OLFM1: variants seen among roughly 807,000 people sequenced by gnomAD.
The protein encoded by OLFM1 is noelin.
Under a neutral mutation model 49.7 loss-of-function variants are expected in OLFM1, and 9 were observed. The ratio of observed to expected loss-of-function variants is 0.18; its 90% confidence interval spans 0.11 to 0.32. The LOEUF is 0.32. Ranked by LOEUF, OLFM1 falls within the 10% of genes least tolerant of loss-of-function variation. The pLI is 1.00. For synonymous variants in OLFM1, 240 were observed against 271.8 expected (o/e 0.88, Z 1.15); for missense variants, 369 against 661.8 (o/e 0.56, Z 4.85).
At chr9:135,087,349 C>T (rs1052804449), upstream of OLFM1, 67 of 1,543,422 alleles carry the variant, frequency 4.3e-5, 1 homozygote, top group Admixed American at 8.3e-4. Context: ...CTGCGGGGAT[C>T]GGAGAGGGAT....
intron 1 of OLFM1, among the ~76,000 whole-genome samples, chr9:135,077,991 G>C (rs1371464032): frequency 6.6e-6 from 1 of 152,240 alleles, no homozygotes; most frequent in East Asian, 1.9e-4. Context: ...TATGCCAGGT[G>C]ACTTTCATCT....
chr9:135,075,551 C>T (rs1029218762), exon 1 of OLFM1: 3 of 358,370 alleles, frequency 8.4e-6, no homozygotes, highest in South Asian at 4.4e-5. Context: ...GCGGAGGCTT[C>T]GCGCAGCAGA....
chr9:135,089,121 G>A (rs1048960200), intron 1 of OLFM1, among the ~76,000 whole-genome samples: 1 of 152,174 alleles, frequency 6.6e-6, no homozygotes, highest in African/African-American at 2.4e-5. Context: ...CCGTGGTGTG[G>A]CTCCCTCCTA....
rs1005262402 is a variant in OLFM1 at position 135,080,027 on chromosome 9, C to T, written c.96+4225C>T. Among the ~76,000 whole-genome samples, 8 of 151,948 alleles carry T rather than the reference C, an allele frequency of 5.3e-5. No individual in the cohort carries two copies. Among genetic ancestry groups the T allele is most frequent in the Admixed American group, 1.3e-4 (2 of 15,256 alleles). ...TGTGGGTTGGTGTGAACAGGGCAGACGAGAAGACCAGGGAGGTGATGCTGA... is the reference window on the plus strand; with the variant it reads ...TGTGGGTTGGTGTGAACAGGGCAGATGAGAAGACCAGGGAGGTGATGCTGA... On this transcript the variant is annotated intron_variant, in intron 1 of 5. Coordinates refer to the OLFM1 transcript ENST00000252854. This position sits in a 1 kb window ranked among gnomAD's most constrained non-coding sequence, Gnocchi z 4.5.
intron 2 of OLFM1, among the ~76,000 whole-genome samples, chr9:135,091,914 T>C (rs112203755): frequency 2.3e-3 from 187 of 82,262 alleles, no homozygotes; most frequent in Admixed American, 3.8e-3. Context: ...CACACACACA[T>C]AGTCACACAC....
At chr9:135,110,334 G>A (rs1831004769) in intron 5 of OLFM1, among the ~76,000 whole-genome samples, 1 of 152,078 alleles carries the variant, frequency 6.6e-6, no homozygotes, top group African/African-American at 2.4e-5. Context: ...AAAGTCTCAG[G>A]TCAGCTCACA....
At chr9:135,104,129 G>A (rs1830906617) in intron 4 of OLFM1, among the ~76,000 whole-genome samples, 1 of 152,314 alleles carries the variant, frequency 6.6e-6, no homozygotes, top group Middle Eastern at 3.4e-3. Flanking sequence ...TGTACGGTGG[G>A]AAGCTGGCTC....
rs1012987241 is a variant in OLFM1, at chr9:135,113,614, C to T, written c.784-5890C>T. Among the ~76,000 whole-genome samples, 8 of 152,154 alleles carry T rather than the reference C, an allele frequency of 5.3e-5. No homozygotes were observed. Among genetic ancestry groups the T allele is most frequent in the Non-Finnish European group, 1.5e-5 (1 of 68,002 alleles). On this transcript the variant is annotated intron_variant, in intron 5 of 5. Coordinates refer to ENST00000371793, the MANE Select transcript of OLFM1 (RefSeq NM_001282611.2). The surrounding 1 kb of genome is among the most constrained non-coding windows in gnomAD (Gnocchi z 4.0). The stretch of plus-strand genomic sequence containing the variant: ...TGCCGCATTAACAGGAGTCCAGCCA[C>T]GTGGACACCCCTCACTCTGTGGGAT...
At chr9:135,089,172 C>T (rs1035072635) in intron 1 of OLFM1, among the ~76,000 whole-genome samples, 1 of 152,224 alleles carries the variant, frequency 6.6e-6, no homozygotes, top group Non-Finnish European at 1.5e-5. Flanking sequence ...CTTCAGGAAT[C>T]GGAGGGCGAT....
rs1323751703 is a variant in OLFM1 at position 135,091,590 on chromosome 9, G to C, written c.300+1246G>C. Among the ~76,000 whole-genome samples, 6 of 79,284 alleles carry C rather than the reference G, an allele frequency of 7.6e-5. No individual in the cohort carries two copies. The East Asian group carries it at 1.1e-3, about 14-fold the overall frequency. 52.0% of individuals were successfully genotyped at this position (79,284 alleles called of 152,430 possible). On this transcript the variant is annotated intron_variant, in intron 2 of 5. Coordinates refer to ENST00000371793, the MANE Select transcript of OLFM1 (RefSeq NM_001282611.2). ...ACACACACACAGTCACACACTCACA[G>C]TCACACACTCACACATAGTCACACA...
At chr9:135,091,150 A>G (rs549960615) in intron 2 of OLFM1, among the ~76,000 whole-genome samples, 2 of 152,196 alleles carry the variant, frequency 1.3e-5, no homozygotes, top group Non-Finnish European at 2.9e-5. Context: ...CACCTGGTTC[A>G]GTCTCCTCCA....
chr9:135,077,960 C>G lies in OLFM1; in HGVS notation c.96+2158C>G, dbSNP rs538185399. Among the ~76,000 whole-genome samples the G allele has an allele frequency of 9.3e-4, 141 of 152,356 alleles. 1 individual carries two copies. The highest frequency in any genetic ancestry group is 6.0e-3 in the South Asian group (29 of 4,826). ...AGAGCCTGGCTACCCTAGTCCCCACCTGGGTGGGCCCCACTGGGGTTATGC... is the reference window on the plus strand; with the variant it reads ...AGAGCCTGGCTACCCTAGTCCCCACGTGGGTGGGCCCCACTGGGGTTATGC... On this transcript the variant is annotated intron_variant, in intron 1 of 5. Coordinates refer to the OLFM1 transcript ENST00000252854.
At position 135,090,164 on chromosome 9, in the gene OLFM1, C is replaced by T. The variant is rs1197062073; in HGVS notation, c.151-31C>T. 6 of 1,583,756 alleles carry T rather than the reference C, an allele frequency of 3.8e-6. No homozygotes were observed. The South Asian group carries it at 6.8e-5, about 18-fold the overall frequency. On this transcript the variant is annotated intron_variant, in intron 1 of 5. Transcript: ENST00000371793. The stretch of plus-strand genomic sequence containing the variant: ...CCTCATGGTCTCCCTTTCTCTCCTT[C>T]CCTCTCCCTTCCCGCCCCGCCCCTC...
intron 1 of OLFM1, among the ~76,000 whole-genome samples, chr9:135,079,602 C>G (rs1001091157): frequency 1.3e-5 from 2 of 151,744 alleles, no homozygotes; most frequent in Admixed American, 6.6e-5. Flanking sequence ...GAGATTCTGT[C>G]TCAAAAAAAA....
chr9:135,113,325 C>T lies in OLFM1; in HGVS notation c.784-6179C>T, dbSNP rs1292166476. 1.3e-5 allele frequency among the ~76,000 whole-genome samples: 2 copies of T among 152,124 alleles called. No homozygotes were observed. Among genetic ancestry groups the T allele is most frequent in the Non-Finnish European group, 2.9e-5 (2 of 68,020 alleles). Reference sequence around the variant, plus strand: ...CACGTCCCCACAGGTGGTCTTATGGCCTTCTTCCTTTGGGTGGTGCCTGGG... The same window carrying T: ...CACGTCCCCACAGGTGGTCTTATGGTCTTCTTCCTTTGGGTGGTGCCTGGG... On this transcript the variant is annotated intron_variant, in intron 5 of 5. Transcript: ENST00000371793. The surrounding 1 kb of genome is among the most constrained non-coding windows in gnomAD (Gnocchi z 4.0).
chr9:135,112,056 A>G (rs1328717564), intron 5 of OLFM1, among the ~76,000 whole-genome samples: 1 of 152,168 alleles, frequency 6.6e-6, no homozygotes, highest in Non-Finnish European at 1.5e-5. Context: ...CATGATCAGA[A>G]AGGGCACACC....
intron 1 of OLFM1, among the ~76,000 whole-genome samples, chr9:135,079,524 G>T (rs984428182): frequency 6.6e-6 from 1 of 152,152 alleles, no homozygotes; most frequent in African/African-American, 2.4e-5. Context: ...AGAATCACTT[G>T]AACCCAGGAG....
intron 2 of OLFM1, among the ~76,000 whole-genome samples, chr9:135,094,073 T>A (rs1451499567): frequency 1.3e-5 from 2 of 152,164 alleles, no homozygotes; most frequent in Non-Finnish European, 2.9e-5. Context: ...TCGGCACTTG[T>A]GGGCCTTCGC....
upstream of OLFM1, among the ~76,000 whole-genome samples, chr9:135,083,700 A>G (rs1320577485): frequency 6.6e-6 from 1 of 152,240 alleles, no homozygotes; most frequent in Non-Finnish European, 1.5e-5. Flanking sequence ...AACGGTGTGC[A>G]TAGGGCACAG....
Sources: allele counts gnomAD v4.1 joint callset (sites outside exome capture counted in the v4.1 genomes callset), GRCh38; gene constraint gnomAD v4.1.1; non-coding constraint Gnocchi (gnomAD v3.1); transcripts MANE v1.5; gene names NCBI Gene and HGNC (gene_info 2026-07-23, HGNC 2026-07-21).